The following NRXN3 variants were observed in gnomAD, a reference collection of about 807,000 sequenced individuals.
The protein encoded by NRXN3 is neurexin 3.
Under a neutral mutation model 137.6 loss-of-function variants are expected in NRXN3, and 32 were observed. The ratio of observed to expected loss-of-function variants is 0.23; its 90% CI spans 0.18 to 0.31. NRXN3 has a LOEUF of 0.31. Among genes scored for constraint, NRXN3 ranks in the 10% least tolerant of loss-of-function variants. The probability of loss-of-function intolerance (pLI) is 1.00; values close to 1 mark genes in which losing one functional copy is unlikely to be tolerated. For synonymous variants in NRXN3, 798 were observed against 784.5 expected, an observed-to-expected ratio of 1.02 and a Z score of -0.29; for missense variants, 1,574 against 2,062.5, an observed-to-expected ratio of 0.76 and a Z score of 4.59.
intron 4 of NRXN3, among the ~76,000 whole-genome samples, chr14:78,310,536 G>A (rs970619434): frequency 1.3e-5 from 2 of 152,030 alleles, no homozygotes; most frequent in African/African-American, 4.8e-5. Flanking sequence ...GTTTCCCCAA[G>A]TGACCAGTAA....
chr14:79,502,192 G>A (rs1353997033), intron 16 of NRXN3, among the ~76,000 whole-genome samples: 6 of 152,182 alleles, frequency 3.9e-5, no homozygotes, highest in African/African-American at 1.4e-4. Flanking sequence ...GAAATTCTTA[G>A]GAAGCAAGCT....
chr14:78,450,362 G>A (rs1311729357), intron 4 of NRXN3, among the ~76,000 whole-genome samples: 1 of 152,220 alleles, frequency 6.6e-6, no homozygotes, highest in African/African-American at 2.4e-5. Flanking sequence ...GGATGTGTTT[G>A]TGCAGCTGTG....
chr14:79,284,609 A>G (rs188807626), intron 15 of NRXN3, among the ~76,000 whole-genome samples: 3 of 151,912 alleles, frequency 2.0e-5, no homozygotes, highest in Non-Finnish European at 2.9e-5. Flanking sequence ...TGCAGGAAGA[A>G]CTCTTGCTCA....
rs183297974 is a variant in NRXN3, at chr14:79,388,728, A to C, written c.3263-78493A>C. 3.1e-4 allele frequency among the ~76,000 whole-genome samples: 47 copies of C among 152,194 alleles called. No homozygotes were observed. In the East Asian group the frequency reaches 8.7e-3, roughly 28 times the overall value. ...TCACAGATACTCTAGAGGGAGAGGCAATTAATTTCTTTTTGGCGGTGAGAT... is the reference window on the plus strand; with the variant it reads ...TCACAGATACTCTAGAGGGAGAGGCCATTAATTTCTTTTTGGCGGTGAGAT... On this transcript the variant is annotated intron_variant, in intron 15 of 20. Coordinates refer to ENST00000335750, the MANE Select transcript of NRXN3 (RefSeq NM_001330195.2).
intron 15 of NRXN3, among the ~76,000 whole-genome samples, chr14:79,056,799 T>A (rs2099665109): frequency 6.6e-6 from 1 of 152,174 alleles, no homozygotes; most frequent in Non-Finnish European, 1.5e-5. Flanking sequence ...CATAAGGCAA[T>A]AAGTACTGGG....
chr14:78,334,489 C>T (rs1231374817), intron 4 of NRXN3, among the ~76,000 whole-genome samples: 2 of 152,116 alleles, frequency 1.3e-5, no homozygotes, highest in African/African-American at 2.4e-5. Context: ...CGGGAGGGCT[C>T]CTCCCCGAGG....
chr14:79,070,403 T>A (rs2099686137), intron 15 of NRXN3, among the ~76,000 whole-genome samples: 1 of 152,204 alleles, frequency 6.6e-6, no homozygotes, highest in African/African-American at 2.4e-5. Flanking sequence ...TTGTGGCCAC[T>A]CTTTGTCAGC....
intron 4 of NRXN3, among the ~76,000 whole-genome samples, chr14:78,632,188 G>A (rs1050530294): frequency 1.1e-4 from 17 of 150,938 alleles, no homozygotes; most frequent in African/African-American, 4.1e-4. Flanking sequence ...TTTATATCGT[G>A]TAGTGAATAT....
Position 78,632,299 on chromosome 14 carries a change from G to A in NRXN3, c.758-12821G>A, listed in dbSNP as rs563487223. On this transcript the variant is annotated intron_variant, in intron 4 of 20. Transcript: ENST00000335750. ...AAGTTTTTGCTGAAAATCTAGCCTT[G>A]TTGAGCAGATACAGGTTCCTTTAGC... 4.6e-5 allele frequency among the ~76,000 whole-genome samples: 7 copies of A among 152,116 alleles called. No homozygotes were observed. In the South Asian group the frequency reaches 1.5e-3, roughly 32 times the overall value.
intron 4 of NRXN3, among the ~76,000 whole-genome samples, chr14:78,371,203 C>T (rs762885308): frequency 6.6e-6 from 1 of 152,102 alleles, no homozygotes; most frequent in Non-Finnish European, 1.5e-5. Flanking sequence ...CCCTATAAAC[C>T]CCAGACCTCA....
intron 4 of NRXN3, among the ~76,000 whole-genome samples, chr14:78,616,896 T>A (rs564408295): frequency 1.3e-5 from 2 of 152,348 alleles, no homozygotes; most frequent in South Asian, 4.1e-4. Context: ...ATGCCATCGT[T>A]ACAAATTAGC....
chr14:78,324,577 C>T (rs1056173905), intron 4 of NRXN3, among the ~76,000 whole-genome samples: 1 of 152,078 alleles, frequency 6.6e-6, no homozygotes, highest in African/African-American at 2.4e-5. Flanking sequence ...GGGAAATTTA[C>T]AGAGACAGTT....
At chr14:78,803,261 G>C (rs992757558) in intron 8 of NRXN3, among the ~76,000 whole-genome samples, 1 of 152,142 alleles carries the variant, frequency 6.6e-6, no homozygotes, top group Non-Finnish European at 1.5e-5. Flanking sequence ...ATGTACTTGT[G>C]TTTTATCTAT....
intron 6 of NRXN3, among the ~76,000 whole-genome samples, chr14:78,686,732 A>T (rs2152758683): frequency 6.6e-6 from 1 of 152,320 alleles, no homozygotes; most frequent in African/African-American, 2.4e-5. Context: ...AAATCCAAAG[A>T]CTTGAACACC....
At chr14:79,565,162 TGTAA>T (rs1356577145) in intron 16 of NRXN3, among the ~76,000 whole-genome samples, 1 of 151,578 alleles carries the variant, frequency 6.6e-6, no homozygotes, top group African/African-American at 2.4e-5. Flanking sequence ...GTGTTGGTTG[TGTAA>T]GTGCTATAAG....
chr14:79,765,431 A>G (rs2099052721), intron 19 of NRXN3, among the ~76,000 whole-genome samples: 1 of 152,180 alleles, frequency 6.6e-6, no homozygotes, highest in South Asian at 2.1e-4. Flanking sequence ...CCTGTATTCT[A>G]CATGCAACAG....
In NRXN3 at chr14:79,692,339, C is replaced by T. The variant is rs1181731556; in HGVS notation, c.3706+77C>T. ...TTTTTAAAGCCTGCAAATAAATGTT[C>T]CTTAAATGATAATCGCCTGCTGCAT... On this transcript the variant is annotated intron_variant, in intron 18 of 20. Transcript: ENST00000335750. 1.1e-5 allele frequency: 12 copies of T among 1,076,082 alleles called. No homozygotes were observed. The East Asian group carries it at 1.5e-4, about 14-fold the overall frequency. 66.7% of individuals were successfully genotyped at this position (1,076,082 alleles called of 1,614,324 possible). A position where few individuals can be genotyped will look rare whatever the true frequency, so the allele number is the denominator to read the frequency against.
intron 15 of NRXN3, chr14:79,201,264 A>G (rs1305750696): frequency 1.3e-5 from 2 of 152,146 alleles, no homozygotes; most frequent in Non-Finnish European, 2.9e-5. Flanking sequence ...AACAAAGAAA[A>G]CCGATGGACA....
intron 6 of NRXN3, chr14:78,695,727 C>T (rs2098219255): frequency 6.6e-6 from 1 of 151,990 alleles, no homozygotes; most frequent in Non-Finnish European, 1.5e-5. Flanking sequence ...GCACAGTTGG[C>T]TTGGCACTCA....
Sources: gnomAD v4.1 joint callset for allele counts (sites outside exome capture counted in the v4.1 genomes callset) on GRCh38, gnomAD v4.1.1 for gene constraint, MANE v1.5 for transcripts, NCBI Gene and HGNC (gene_info 2026-07-23, HGNC 2026-07-21) for gene names.